Variants in ANK1 observed in about 807,000 individuals in gnomAD.
ANK1 encodes the protein ankyrin 1.
A neutral mutation model predicts 210.4 loss-of-function variants in ANK1; 51 were observed. That is an observed-to-expected ratio of 0.24 (90% confidence interval 0.19 to 0.31). The LOEUF (loss-of-function observed/expected upper bound fraction) is 0.31. ANK1 is among the 10% of genes least tolerant of loss of function. ANK1 has a pLI of 1.00. For synonymous variants in ANK1, 967 were observed against 1,025.9 expected, an observed-to-expected ratio of 0.94 and a Z score of 1.10; for missense variants, 2,051 against 2,504.4, an observed-to-expected ratio of 0.82 and a Z score of 3.86.
At chr8:41,886,373 T>C (rs985372643) in intron 1 of ANK1, among the ~76,000 whole-genome samples, 10 of 152,198 alleles carry the variant, frequency 6.6e-5, no homozygotes, top group African/African-American at 1.4e-4. Context: ...CACCTTACAA[T>C]TGACAAAATT....
At chr8:41,774,393 G>A (rs2150738333) in intron 1 of ANK1, among the ~76,000 whole-genome samples, 1 of 152,322 alleles carries the variant, frequency 6.6e-6, no homozygotes, top group East Asian at 1.9e-4. Flanking sequence ...GATGTTCGGG[G>A]CTAGTTGACT....
chr8:41,773,453 A>G (rs1843361662), intron 1 of ANK1, among the ~76,000 whole-genome samples: 1 of 152,168 alleles, frequency 6.6e-6, no homozygotes, highest in South Asian at 2.1e-4. Flanking sequence ...CTCTTCACAC[A>G]CACAGGGGTT....
chr8:41,761,600 C>T (rs926357386), intron 1 of ANK1, among the ~76,000 whole-genome samples: 1 of 152,104 alleles, frequency 6.6e-6, no homozygotes, highest in Admixed American at 6.5e-5. Context: ...AACACATTTC[C>T]GTAGTGTCAA....
In ANK1 at chr8:41,672,810, A is replaced by G. The variant is rs1416952859; in HGVS notation, c.4640T>C (p.Leu1547Pro). ...CGTGGCCGCCAAGGGGATGGCGTCT[A>G]GGACGGCCACCTCATTCCAGTACTG... Reference protein sequence around the residue: ...ADQYWNEVAVLDAIPLAATEH... With the variant: ...ADQYWNEVAVPDAIPLAATEH... The change falls in exon 38 of 43, where the codon CTA (leucine) becomes CCA (proline). Residue 1547 changes from leucine (L) to proline (P), a missense_variant. Physicochemically the swap from Leu to Pro is moderately conservative, Grantham distance 98 (BLOSUM62 -3). Around this residue, in one of 6 missense-constraint regions of ANK1, gnomAD observed 496 missense variants for 533.4 expected, o/e 0.93. Coordinates refer to ENST00000289734, the MANE Select transcript of ANK1 (RefSeq NM_000037.4). 6.2e-7 allele frequency: 1 copy of G among 1,608,482 alleles called. No individual in the cohort carries two copies. Among genetic ancestry groups the G allele is most frequent in the Admixed American group, 1.7e-5 (1 of 59,802 alleles).
At chr8:41,731,580 C>CTTT (rs60238358) in intron 3 of ANK1, among the ~76,000 whole-genome samples, 2 of 146,058 alleles carry the variant, frequency 1.4e-5, no homozygotes, top group South Asian at 2.2e-4. Context: ...TCTTTTTCTT[C>CTTT]TTTTTTTTTT....
intron 1 of ANK1, among the ~76,000 whole-genome samples, chr8:41,864,036 A>G (rs1813805439): frequency 6.6e-6 from 1 of 152,096 alleles, no homozygotes; most frequent in Admixed American, 6.6e-5. Context: ...CGAGGTCAGG[A>G]GATCGAGATC....
chr8:41,731,351 G>A (rs921698849), intron 3 of ANK1, among the ~76,000 whole-genome samples: 9 of 152,194 alleles, frequency 5.9e-5, no homozygotes, highest in African/African-American at 2.2e-4. Context: ...TTGCATGGGT[G>A]CTGATTGAAT....
intron 9 of ANK1, 94 bp from the exon 10 acceptor site, chr8:41,719,952 C>T: frequency 7.1e-7 from 1 of 1,406,548 alleles, no homozygotes; most frequent in East Asian, 2.3e-5. Flanking sequence ...CTACTTCTTC[C>T]CTACACAATG....
chr8:41,705,001 A>G lies in ANK1; in HGVS notation c.2098-529T>C, dbSNP rs368207593. Among the ~76,000 whole-genome samples, 28 of 152,354 alleles carry G rather than the reference A, an allele frequency of 1.8e-4. 1 individual carries two copies. The East Asian group carries it at 4.6e-3, about 25-fold the overall frequency. On this transcript the variant is annotated intron_variant, in intron 18 of 42. Coordinates refer to ENST00000289734, the MANE Select transcript of ANK1 (RefSeq NM_000037.4). ...CCATTAGAAAGCTGAAATCCCATTG[A>G]AAAACCCCCAAAAGGCTGTCCAAGT...
chr8:41,723,405 T>C (rs1483980724), intron 8 of ANK1, 130 bp downstream of exon 8: 1 of 1,210,166 alleles, frequency 8.3e-7, no homozygotes, highest in Non-Finnish European at 1.2e-6. Context: ...CCCAGAATAC[T>C]GCTGCAGGCG....
At chr8:41,710,574 C>T (rs1825851636) in intron 16 of ANK1, among the ~76,000 whole-genome samples, 1 of 152,252 alleles carries the variant, frequency 6.6e-6, no homozygotes, top group African/African-American at 2.4e-5. Flanking sequence ...AGGGATCACA[C>T]TTTCAGTAGC....
chr8:41,740,583 C>A (rs1218462455), intron 2 of ANK1, among the ~76,000 whole-genome samples: 1 of 152,038 alleles, frequency 6.6e-6, no homozygotes, highest in Non-Finnish European at 1.5e-5. Context: ...ATGTTTCCTA[C>A]CCCTCCCCTG....
chr8:41,886,909 A>G (rs1399049009), intron 1 of ANK1, among the ~76,000 whole-genome samples: 3 of 152,216 alleles, frequency 2.0e-5, no homozygotes, highest in Non-Finnish European at 4.4e-5. Context: ...AGGGAGTATT[A>G]GGCCCAACAC....
rs1416109187 is a variant in ANK1, at chr8:41,717,049, T to C, written c.1308A>G (p.Lys436=). 6.2e-7 allele frequency: 1 copy of C among 1,614,234 alleles called. No homozygotes were observed. Residue 436 remains lysine, a splice_region_variant and synonymous_variant, in exon 13 of 43, where the codon AAA becomes AAG. Transcript: ENST00000289734. ...RGASPNVSNV[K]VETPLHMAAR... ...CTGCCATGTGTAGCGGGGTCTCCAC[T>C]TTCTATAAAATAACAAAATTATAGA... is the stretch of plus-strand genomic sequence containing the variant.
Position 41,723,129 on chromosome 8 carries a change from G to A in ANK1, c.905C>T (p.Thr302Ile), listed in dbSNP as rs1829698243. The A allele has an allele frequency of 6.2e-7, 1 of 1,614,082 alleles. No individual in the cohort carries two copies. Among genetic ancestry groups the A allele is most frequent in the African/African-American group, 1.3e-5 (1 of 74,928 alleles). Residue 302 changes from threonine to isoleucine, a missense_variant, in exon 9 of 43, where the codon ACC becomes ATC. Thr to Ile is a moderately conservative substitution (Grantham distance 89). Around this residue, in one of 6 missense-constraint regions of ANK1, gnomAD observed 1,413 missense variants for 1,707.4 expected, o/e 0.83. Coordinates refer to ENST00000289734, the MANE Select transcript of ANK1 (RefSeq NM_000037.4). ...LDHGAPIQAK[T>I]KNGLSPIHMA... ...TGACAGGAAGGAAGTACACACCTTG[G>A]TTTTGGCTTGGATTGGTGCCCCGTG... is the stretch of plus-strand genomic sequence containing the variant.
At chr8:41,755,413 T>A (rs1838879198) in intron 2 of ANK1, among the ~76,000 whole-genome samples, 1 of 152,214 alleles carries the variant, frequency 6.6e-6, no homozygotes. Flanking sequence ...AATGGATTCC[T>A]TTGAGAGCTA....
At chr8:41,702,606 C>T (rs540619506) in intron 20 of ANK1, among the ~76,000 whole-genome samples, 1 of 152,320 alleles carries the variant, frequency 6.6e-6, no homozygotes, top group East Asian at 1.9e-4. Flanking sequence ...TCAATGAACT[C>T]TAATCAGAAT....
Position 41,694,905 on chromosome 8 carries a change from A to G in ANK1, c.3116-102T>C. The G allele has an allele frequency of 7.8e-7, 1 of 1,276,338 alleles. No individual in the cohort carries two copies. Among genetic ancestry groups the G allele is most frequent in the Non-Finnish European group, 1.1e-6 (1 of 895,404 alleles). The allele number at this position is 1,276,338 out of a possible 1,614,324, so 79.1% of individuals were successfully genotyped here. On this transcript the variant is annotated intron_variant, in intron 27 of 42. Coordinates refer to ENST00000289734, the MANE Select transcript of ANK1 (RefSeq NM_000037.4). The surrounding 1 kb of genome is among the most constrained non-coding windows in gnomAD (Gnocchi z 5.7). ...CTTGTCCCCAAGACCCAGTGCACACACCCTCCCCAGGTGCCGGGCGGCATA... is the reference window on the plus strand; with the variant it reads ...CTTGTCCCCAAGACCCAGTGCACACGCCCTCCCCAGGTGCCGGGCGGCATA...
chr8:41,746,398 A>G (rs1836139143), intron 2 of ANK1, among the ~76,000 whole-genome samples: 1 of 152,188 alleles, frequency 6.6e-6, no homozygotes, highest in East Asian at 1.9e-4. Context: ...AGAAACTGAG[A>G]GGACAGCACA....
Sources: allele counts gnomAD v4.1 joint callset (sites outside exome capture counted in the v4.1 genomes callset), GRCh38; gene constraint gnomAD v4.1.1; regional missense constraint gnomAD v4.1.1; non-coding constraint Gnocchi (gnomAD v3.1); transcripts MANE v1.5; gene names NCBI Gene and HGNC (gene_info 2026-07-23, HGNC 2026-07-21).